The following TMEM45B variants were observed in gnomAD, a reference collection of about 807,000 sequenced individuals.
The protein encoded by TMEM45B is transmembrane protein 45B.
TMEM45B carries 29 observed loss-of-function variants against 27.3 expected under a neutral mutation model. That is an observed-to-expected ratio of 1.06 (90% CI 0.79 to 1.45). The LOEUF (loss-of-function observed/expected upper bound fraction) is 1.45. Ranked by LOEUF, TMEM45B falls within the 40% of genes most tolerant of loss-of-function variation. The pLI, the probability that TMEM45B is intolerant of heterozygous loss-of-function variation, is 0.00. For synonymous variants in TMEM45B, 143 were observed against 134.7 expected, an observed-to-expected ratio of 1.06 and a Z score of -0.43; for missense variants, 348 against 343.9, an observed-to-expected ratio of 1.01 and a Z score of -0.09.
intron 1 of TMEM45B, among the ~76,000 whole-genome samples, chr11:129,824,679 G>A (rs1212482386): frequency 6.6e-6 from 1 of 152,230 alleles, no homozygotes; most frequent in African/African-American, 2.4e-5. Context: ...GCTAGTTTTT[G>A]ATGGAGATGA....
chr11:129,855,592 G>A (rs1947910491), intron 3 of TMEM45B, 116 bp from the exon 4 acceptor site: 1 of 969,642 alleles, frequency 1.0e-6, no homozygotes, highest in Non-Finnish European at 1.6e-6. Flanking sequence ...TGCCTGTAAT[G>A]TTATGTACTA....
chr11:129,816,403 C>G (rs544437686), intron 1 of TMEM45B, among the ~76,000 whole-genome samples: 304 of 152,184 alleles, frequency 2.0e-3, no homozygotes, highest in Admixed American at 3.3e-3. Context: ...TTGTTAGCTG[C>G]GATACACAAA....
intron 1 of TMEM45B, among the ~76,000 whole-genome samples, chr11:129,818,952 C>T (rs1407491492): frequency 1.3e-5 from 2 of 152,138 alleles, no homozygotes; most frequent in Non-Finnish European, 2.9e-5. Flanking sequence ...TCATGTGGTC[C>T]CTTGAGAATT....
intron 1 of TMEM45B, among the ~76,000 whole-genome samples, chr11:129,840,004 G>A (rs1947670413): frequency 6.6e-6 from 1 of 152,126 alleles, no homozygotes; most frequent in Admixed American, 6.5e-5. Flanking sequence ...AACCACAGCA[G>A]GGGCTTAGCC....
rs546475097 is a variant in TMEM45B at position 129,859,905 on chromosome 11, G to T, written c.*1220G>T. The T allele has an allele frequency of 5.2e-5, 8 of 152,692 alleles. No individual in the cohort carries two copies. Among genetic ancestry groups the T allele is most frequent in the African/African-American group, 1.4e-4 (6 of 41,560 alleles). 9.5% of individuals were successfully genotyped at this position (152,692 alleles called of 1,614,324 possible). On this transcript the variant is annotated 3_prime_UTR_variant, in exon 6 of 6. Transcript: ENST00000281441. ...CTGAAATGGCTGTAAGGACTCCTGA[G>T]ATATGTGTCCAGCAAGGAGTTTACA...
intron 1 of TMEM45B, among the ~76,000 whole-genome samples, chr11:129,843,186 C>T (rs1357701693): frequency 6.6e-6 from 1 of 152,218 alleles, no homozygotes; most frequent in Non-Finnish European, 1.5e-5. Flanking sequence ...GGTGATCCGC[C>T]TGCCTCAGTC....
chr11:129,819,196 C>T (rs1308816676), intron 1 of TMEM45B, among the ~76,000 whole-genome samples: 2 of 152,164 alleles, frequency 1.3e-5, no homozygotes, highest in Non-Finnish European at 2.9e-5. Context: ...AGCACAGTGC[C>T]CATAGCAGGC....
At chr11:129,844,548 G>A (rs750625346) in intron 1 of TMEM45B, among the ~76,000 whole-genome samples, 7 of 152,144 alleles carry the variant, frequency 4.6e-5, no homozygotes, top group Non-Finnish European at 1.0e-4. Flanking sequence ...TTGGCCAGGC[G>A]TGGTGGCCTG....
In TMEM45B at chr11:129,858,681, A is replaced by T; in HGVS notation, c.824A>T (p.Glu275Val). The change falls in exon 6 of 6, where the codon GAA (glutamate) becomes GTA (valine). Residue 275 changes from glutamate to valine, a missense_variant. Transcript: ENST00000281441. ...GCCCTCTTGAGTGGCTCAGATGAGG[A>T]ATGAGCCGAGATGCGGAGGGCGCAG... ...QTALLSGSDE[E>V] 1 of 1,557,482 alleles carries T rather than the reference A, an allele frequency of 6.4e-7. No homozygotes were observed. Among genetic ancestry groups the T allele is most frequent in the Non-Finnish European group, 8.7e-7 (1 of 1,148,928 alleles).
At chr11:129,835,066 TGAG>T (rs951688671) in intron 1 of TMEM45B, among the ~76,000 whole-genome samples, 30 of 152,166 alleles carry the variant, frequency 2.0e-4, no homozygotes, top group African/African-American at 7.0e-4. Context: ...GATATTTAGC[TGAG>T]GAGATTTCTA....
intron 4 of TMEM45B, among the ~76,000 whole-genome samples, 179 bp from the exon 5 acceptor site, chr11:129,857,134 A>T (rs1229706394): frequency 6.6e-6 from 1 of 152,126 alleles, no homozygotes; most frequent in African/African-American, 2.4e-5. Flanking sequence ...TTACAGACGT[A>T]AGCCACCATA....
At chr11:129,817,602 T>A (rs1448997038) in intron 1 of TMEM45B, among the ~76,000 whole-genome samples, 1 of 152,222 alleles carries the variant, frequency 6.6e-6, no homozygotes, top group Non-Finnish European at 1.5e-5. Flanking sequence ...CACATCTTCA[T>A]GAAGATGGAA....
In TMEM45B at chr11:129,846,983, A is replaced by G. The variant is rs551088464; in HGVS notation, c.-8-5492A>G. On this transcript the variant is annotated intron_variant, in intron 1 of 5. Coordinates refer to ENST00000281441, the MANE Select transcript of TMEM45B (RefSeq NM_138788.5). ...TCAAAGAGATGGCTCAGGATCGTAT[A>G]TGGCCTTATTGGCCCTGGTAAGGAC... is the stretch of plus-strand genomic sequence containing the variant. Among the ~76,000 whole-genome samples, 5 of 152,312 alleles carry G rather than the reference A, an allele frequency of 3.3e-5. No individual in the cohort carries two copies. The East Asian group carries it at 7.7e-4, about 24-fold the overall frequency.
intron 1 of TMEM45B, among the ~76,000 whole-genome samples, chr11:129,818,428 T>C (rs944660532): frequency 3.9e-5 from 6 of 152,220 alleles, no homozygotes; most frequent in African/African-American, 1.4e-4. Context: ...ATAATGGGGC[T>C]TTATAGAGCA....
chr11:129,848,111 G>C, intron 1 of TMEM45B, among the ~76,000 whole-genome samples: 1 of 151,966 alleles, frequency 6.6e-6, no homozygotes, highest in East Asian at 2.0e-4. Flanking sequence ...TTCCCAGACG[G>C]GGTGGCGGCC....
chr11:129,828,967 G>A (rs1591436908), intron 1 of TMEM45B, among the ~76,000 whole-genome samples: 1 of 152,200 alleles, frequency 6.6e-6, no homozygotes, highest in African/African-American at 2.4e-5. Flanking sequence ...TGCACGAATA[G>A]TGTACCAGCA....
Position 129,857,526 on chromosome 11 carries a change from C to A in TMEM45B, c.716+68C>A, listed in dbSNP as rs1947947958. 6.3e-6 allele frequency: 10 copies of A among 1,581,456 alleles called. No homozygotes were observed. The East Asian group carries it at 2.2e-4, about 36-fold the overall frequency. On this transcript the variant is annotated intron_variant, in intron 5 of 5. Coordinates refer to ENST00000281441, the MANE Select transcript of TMEM45B (RefSeq NM_138788.5). Reference sequence around the variant, plus strand: ...GCAGGACTGATGTGATTAACTTGCACCATCTGATGAGTGCCGACTACAGGC... The same window carrying A: ...GCAGGACTGATGTGATTAACTTGCAACATCTGATGAGTGCCGACTACAGGC...
chr11:129,858,334 G>C (rs952757800), intron 5 of TMEM45B, among the ~76,000 whole-genome samples: 1 of 152,222 alleles, frequency 6.6e-6, no homozygotes, highest in East Asian at 1.9e-4. Context: ...CCCAGCCACT[G>C]AAACAGTAAA....
At chr11:129,824,908 G>T (rs192112527) in intron 1 of TMEM45B, among the ~76,000 whole-genome samples, 1 of 152,114 alleles carries the variant, frequency 6.6e-6, no homozygotes, top group Admixed American at 6.6e-5. Flanking sequence ...TGAAAAGGAC[G>T]TGCAATTTAG....
Sources: gnomAD v4.1 joint callset for allele counts (sites outside exome capture counted in the v4.1 genomes callset) on GRCh38, gnomAD v4.1.1 for gene constraint, MANE v1.5 for transcripts, NCBI Gene and HGNC (gene_info 2026-07-23, HGNC 2026-07-21) for gene names.